Variants in ZC3H13 observed in about 807,000 individuals in gnomAD.
ZC3H13 encodes zinc finger CCCH domain-containing protein 13.
ZC3H13 carries 64 observed loss-of-function variants against 204.1 expected under a neutral mutation model. That is an observed-to-expected ratio of 0.31 (90% confidence interval 0.26 to 0.39). The LOEUF (loss-of-function observed/expected upper bound fraction) is 0.39. ZC3H13 is among the 10% of genes least tolerant of loss of function. The probability of loss-of-function intolerance (pLI) is 1.00; values close to 1 mark genes in which losing one functional copy is unlikely to be tolerated. For synonymous variants in ZC3H13, 667 were observed against 693.7 expected, an observed-to-expected ratio of 0.96 and a Z score of 0.60; for missense variants, 1,833 against 2,082.7, an observed-to-expected ratio of 0.88 and a Z score of 2.33.
rs372235908 is a variant in ZC3H13 at position 46,010,404 on chromosome 13, A to G, written c.690T>C (p.Ala230=). The G allele has an allele frequency of 6.2e-6, 10 of 1,613,732 alleles. No homozygotes were observed. The highest frequency in any genetic ancestry group is 1.6e-4 in the Middle Eastern group (1 of 6,082). The change falls in exon 7 of 19, where the codon GCT becomes GCC. Residue 230 remains alanine, a synonymous_variant. Transcript: ENST00000679008. ...KRKSSPKSSS[A]SKKDRKTSAV... The stretch of plus-strand genomic sequence containing the variant: ...CAGATGTCTTCCTATCTTTCTTGCT[A>G]GCTGAAGACGACTTCGGGCTTGATT...
At chr13:46,017,111 G>A (rs779225380) in intron 5 of ZC3H13, among the ~76,000 whole-genome samples, 6 of 152,150 alleles carry the variant, frequency 3.9e-5, no homozygotes, top group South Asian at 2.1e-4. Context: ...CTACACGTAC[G>A]ACGTTAATGA....
chr13:45,962,579 A>G (rs780362033), intron 17 of ZC3H13: 29 of 985,016 alleles, frequency 2.9e-5, no homozygotes, highest in African/African-American at 7.0e-5. Context: ...CGGTTAATAC[A>G]CGTTAACAAT....
chr13:45,983,170 T>C (rs1953811195), intron 10 of ZC3H13, among the ~76,000 whole-genome samples: 1 of 151,908 alleles, frequency 6.6e-6, no homozygotes, highest in East Asian at 1.9e-4. Context: ...TGAAAGCATA[T>C]GCAGAACACT....
Position 46,045,071 on chromosome 13 carries a change from G to A in ZC3H13, c.118-7C>T, listed in dbSNP as rs774110047. ...GCCAGTTACGGCACTGTGTCTAAGA[G>A]ACAGATATTACTATGTAAATTTCAT... On this transcript the variant is annotated splice_polypyrimidine_tract_variant and splice_region_variant and intron_variant, in intron 2 of 18. Coordinates refer to ENST00000679008, the MANE Select transcript of ZC3H13 (RefSeq NM_001330564.2). The A allele has an allele frequency of 1.5e-5, 24 of 1,593,712 alleles. No homozygotes were observed. The highest frequency in any genetic ancestry group is 2.7e-5 in the African/African-American group (2 of 73,844).
chr13:46,000,244 T>A (rs1349258879), intron 8 of ZC3H13, among the ~76,000 whole-genome samples: 1 of 152,166 alleles, frequency 6.6e-6, no homozygotes, highest in Non-Finnish European at 1.5e-5. Flanking sequence ...TGACTTCTCC[T>A]CTCTGGCTAT....
chr13:45,963,769 A>G, intron 17 of ZC3H13, 73 bp downstream of exon 17: 2 of 1,596,272 alleles, frequency 1.3e-6, no homozygotes, highest in Non-Finnish European at 1.7e-6. Flanking sequence ...ACATAAGAAC[A>G]GATCAGAATC....
At position 45,975,367 on chromosome 13, in the gene ZC3H13, T is replaced by C. The variant is rs1305455684; in HGVS notation, c.2384A>G (p.Lys795Arg). The change falls in exon 12 of 19, where the codon AAA becomes AGA. Residue 795 changes from lysine (K) to arginine (R), a missense_variant. Physicochemically the swap from Lys to Arg is conservative, Grantham distance 26. Transcript: ENST00000679008. Reference sequence around the variant, plus strand: ...CTTTTCTCTGCGGTCATCTCGTCCTTTGTCTTTGTCTTCCCAATCCCTTTG... The same window carrying C: ...CTTTTCTCTGCGGTCATCTCGTCCTCTGTCTTTGTCTTCCCAATCCCTTTG... Reference protein sequence around the residue: ...ERQRDWEDKDKGRDDRREKRE... With the variant: ...ERQRDWEDKDRGRDDRREKRE... The C allele has an allele frequency of 6.2e-7, 1 of 1,613,984 alleles. No homozygotes were observed. Among genetic ancestry groups the C allele is most frequent in the South Asian group, 1.1e-5 (1 of 91,080 alleles).
In ZC3H13 at chr13:45,955,475, C is replaced by G. The variant is rs897760568; in HGVS notation, c.*1652G>C. 1.3e-5 allele frequency: 2 copies of G among 152,154 alleles called. No homozygotes were observed. Among genetic ancestry groups the G allele is most frequent in the African/African-American group, 4.8e-5 (2 of 41,432 alleles). The allele number at this position is 152,154 out of a possible 1,614,324, so 9.4% of individuals were successfully genotyped here. A position where few individuals can be genotyped will look rare whatever the true frequency, so the allele number is the denominator to read the frequency against. On this transcript the variant is annotated 3_prime_UTR_variant, in exon 19 of 19. Coordinates refer to ENST00000679008, the MANE Select transcript of ZC3H13 (RefSeq NM_001330564.2). ...CAGATTTAACTACATAGTTTTCATT[C>G]TATAAATAAATAACTTGTGAAATAT...
Position 45,975,537 on chromosome 13 carries a change from T to C in ZC3H13, c.2214A>G (p.Glu738=), listed in dbSNP as rs188188765. 2 of 1,600,890 alleles carry C rather than the reference T, an allele frequency of 1.2e-6. No individual in the cohort carries two copies. The highest frequency in any genetic ancestry group is 2.3e-5 in the East Asian group (1 of 43,778). Residue 738 remains glutamate (E), a synonymous_variant, in exon 12 of 19, where the codon GAA becomes GAG. Transcript: ENST00000679008. ...TTTCCCTGTCTCGTTCCCTCTCTCT[T>C]TCCCGCTCTCGATCGTGGTCTCGGT... The part of the protein sequence containing the change: ...DRDRDHDRER[E]RERERDREKE...
Position 45,996,012 on chromosome 13 carries a change from C to T in ZC3H13, c.945-6915G>A, listed in dbSNP as rs543656135. Among the ~76,000 whole-genome samples, 3 of 152,288 alleles carry T rather than the reference C, an allele frequency of 2.0e-5. 1 individual carries two copies. The East Asian group carries it at 5.8e-4, about 29-fold the overall frequency. On this transcript the variant is annotated intron_variant, in intron 8 of 18. Transcript: ENST00000679008. ...TAGCATTATGATTAAAACATATCACCTGTCAGCAGAATCATACTGAAACCA... is the reference window on the plus strand; with the variant it reads ...TAGCATTATGATTAAAACATATCACTTGTCAGCAGAATCATACTGAAACCA...
rs757375807 is a variant in ZC3H13, at chr13:45,980,023, C to T, written c.1721-19G>A. 10 of 1,574,480 alleles carry T rather than the reference C, an allele frequency of 6.4e-6. No individual in the cohort carries two copies. The highest frequency in any genetic ancestry group is 8.6e-6 in the Non-Finnish European group (10 of 1,164,882). On this transcript the variant is annotated intron_variant, in intron 10 of 18. Transcript: ENST00000679008. ...CGACTTCCTAAACAAAGGATAGACA[C>T]ACAAATGTTTACCACATACACTTTA...
chr13:46,042,493 A>G (rs140160224), intron 3 of ZC3H13, among the ~76,000 whole-genome samples: 9 of 152,256 alleles, frequency 5.9e-5, no homozygotes, highest in Non-Finnish European at 1.2e-4. Context: ...TTTTCTCCCA[A>G]TAACAATCAA....
At chr13:46,042,343 T>A in intron 3 of ZC3H13, 68 bp from the exon 4 acceptor site, 1 of 1,008,300 alleles carries the variant, frequency 9.9e-7, no homozygotes, top group Non-Finnish European at 1.5e-6. Flanking sequence ...ATTTATATAT[T>A]AATAACATTT....
At chr13:46,033,218 T>A (rs2043007002) in intron 4 of ZC3H13, among the ~76,000 whole-genome samples, 1 of 152,132 alleles carries the variant, frequency 6.6e-6, no homozygotes, top group African/African-American at 2.4e-5. Flanking sequence ...TCTGATTATT[T>A]CAGTTAACCC....
intron 4 of ZC3H13, among the ~76,000 whole-genome samples, chr13:46,040,837 C>T (rs2139129205): frequency 1.3e-5 from 2 of 152,236 alleles, no homozygotes; most frequent in South Asian, 4.1e-4. Flanking sequence ...CAAGAAGATG[C>T]TCAACATCAT....
At chr13:45,979,299 A>T (rs1475837153) in intron 11 of ZC3H13, among the ~76,000 whole-genome samples, 1 of 152,172 alleles carries the variant, frequency 6.6e-6, no homozygotes, top group African/African-American at 2.4e-5. Flanking sequence ...ATAAGAACGT[A>T]AAATTAGCTA....
intron 1 of ZC3H13, among the ~76,000 whole-genome samples, chr13:46,051,185 T>C (rs2044385611): frequency 1.3e-5 from 2 of 152,234 alleles, no homozygotes; most frequent in South Asian, 4.1e-4. Flanking sequence ...GGATTTTTAG[T>C]ATGTTAAATT....
Position 46,011,664 on chromosome 13 carries a change from T to C in ZC3H13, c.449-110A>G, listed in dbSNP as rs187999324. ...TACACAAATCTAAATAGCAGAGTCTTTCATCAGGATCACATACTTCTAAAA... is the reference window on the plus strand; with the variant it reads ...TACACAAATCTAAATAGCAGAGTCTCTCATCAGGATCACATACTTCTAAAA... On this transcript the variant is annotated intron_variant, in intron 5 of 18. Coordinates refer to ENST00000679008, the MANE Select transcript of ZC3H13 (RefSeq NM_001330564.2). 3.9e-4 allele frequency: 292 copies of C among 743,372 alleles called. No individual in the cohort carries two copies. The African/African-American group carries it at 4.9e-3, about 12-fold the overall frequency. 46.0% of individuals were successfully genotyped at this position (743,372 alleles called of 1,614,324 possible).
rs1458526477 is a variant in ZC3H13, at chr13:46,052,706, T to C, written c.-312A>G. The C allele has an allele frequency of 7.5e-6, 3 of 398,050 alleles. No homozygotes were observed. In the East Asian group the frequency reaches 1.1e-4, roughly 14 times the overall value. 24.7% of individuals were successfully genotyped at this position (398,050 alleles called of 1,614,324 possible). A position where few individuals can be genotyped will look rare whatever the true frequency, so the allele number is the denominator to read the frequency against. ...GGCAACAAAAACACTACCAGGCCGC[T>C]AGGAGGACCGCCTCAAAATGCCGCC... is the stretch of plus-strand genomic sequence containing the variant. On this transcript the variant is annotated 5_prime_UTR_variant, in exon 1 of 19. Transcript: ENST00000679008.
Sources: gnomAD v4.1 joint callset for allele counts (sites outside exome capture counted in the v4.1 genomes callset) on GRCh38, gnomAD v4.1.1 for gene constraint, MANE v1.5 for transcripts, NCBI Gene and HGNC (gene_info 2026-07-23, HGNC 2026-07-21) for gene names.